Variants in VGLL4 observed in about 807,000 individuals in gnomAD.
VGLL4 encodes vestigial like family member 4.
A neutral mutation model predicts 21.0 loss-of-function variants in VGLL4; 7 were observed. The ratio of observed to expected loss-of-function variants is 0.33; its 90% CI spans 0.19 to 0.63. The LOEUF is 0.63. VGLL4 is among the 20% of genes least tolerant of loss of function. The probability of loss-of-function intolerance (pLI) is 0.78; values close to 1 mark genes in which losing one functional copy is unlikely to be tolerated. For synonymous variants in VGLL4, 222 were observed against 173.2 expected, an observed-to-expected ratio of 1.28 and a Z score of -2.21; for missense variants, 394 against 425.7, an observed-to-expected ratio of 0.93 and a Z score of 0.66.
intron 2 of VGLL4, among the ~76,000 whole-genome samples, chr3:11,693,533 T>G (rs1224576958): frequency 6.6e-6 from 1 of 152,204 alleles, no homozygotes; most frequent in Non-Finnish European, 1.5e-5. Context: ...CTGGGTTATC[T>G]TGTCTCTAAT....
intron 1 of VGLL4, chr3:11,633,527 G>C (rs574493915): frequency 2.0e-5 from 3 of 152,432 alleles, no homozygotes; most frequent in African/African-American, 7.2e-5. Flanking sequence ...AAAATTAGCT[G>C]GGTGTGGTGG....
intron 2 of VGLL4, among the ~76,000 whole-genome samples, chr3:11,689,876 G>A (rs2076502138): frequency 6.6e-6 from 1 of 152,300 alleles, no homozygotes; most frequent in South Asian, 2.1e-4. Flanking sequence ...TGCCAAAACA[G>A]TCTCTCCTCC....
chr3:11,639,949 C>G (rs1405027742), intron 1 of VGLL4, among the ~76,000 whole-genome samples: 1 of 152,056 alleles, frequency 6.6e-6, no homozygotes, highest in Non-Finnish European at 1.5e-5. Context: ...AGAGTCAAAA[C>G]TCAATTCAAT....
chr3:11,709,406 C>T (rs1245505748), intron 1 of VGLL4, among the ~76,000 whole-genome samples: 3 of 146,206 alleles, frequency 2.1e-5, no homozygotes, highest in Non-Finnish European at 4.4e-5. Flanking sequence ...CATTGCACTC[C>T]AGCCCAGGGA....
chr3:11,669,252 G>A, intron 2 of VGLL4, among the ~76,000 whole-genome samples: 1 of 152,174 alleles, frequency 6.6e-6, no homozygotes, highest in Non-Finnish European at 1.5e-5. Context: ...TAAAGCCGGT[G>A]TGGTGGTGAG....
chr3:11,713,014 A>T (rs2076869186), intron 1 of VGLL4, among the ~76,000 whole-genome samples: 2 of 152,184 alleles, frequency 1.3e-5, no homozygotes. Flanking sequence ...CCGGCAACAA[A>T]CTACCAAGAC....
At chr3:11,584,446 G>A (rs183234610) in intron 2 of VGLL4, among the ~76,000 whole-genome samples, 70 of 152,134 alleles carry the variant, frequency 4.6e-4, no homozygotes, top group African/African-American at 1.4e-3. Flanking sequence ...GGAAGATGCC[G>A]AGAGAGAGAC....
At chr3:11,581,808 A>ACC (rs2074235374) in intron 2 of VGLL4, among the ~76,000 whole-genome samples, 1 of 151,902 alleles carries the variant, frequency 6.6e-6, no homozygotes, top group African/African-American at 2.4e-5. Context: ...CCTAAAACAT[A>ACC]CCCCCTTTTG....
At chr3:11,629,750 A>G (rs1450560814) in intron 1 of VGLL4, among the ~76,000 whole-genome samples, 1 of 150,472 alleles carries the variant, frequency 6.6e-6, no homozygotes, top group Admixed American at 6.6e-5. Context: ...GGGTCTCAAA[A>G]AAAAAAAAAA....
intron 2 of VGLL4, among the ~76,000 whole-genome samples, chr3:11,567,687 C>T (rs1251444271): frequency 6.6e-6 from 1 of 152,234 alleles, no homozygotes; most frequent in South Asian, 2.1e-4. Flanking sequence ...AGAAGACCTT[C>T]CGCGGAACGG....
chr3:11,590,663 AGTGTGTGTGTGTGTGTGTGT>A (rs10592668), intron 2 of VGLL4, among the ~76,000 whole-genome samples: 23 of 147,272 alleles, frequency 1.6e-4, no homozygotes, highest in East Asian at 4.0e-4. Flanking sequence ...CAAAATGAAG[AGTGTGTGTGTGTGTGTGTGT>A]GTGTGTGTGT....
In VGLL4 at chr3:11,558,244, T is replaced by C; in HGVS notation, c.*312A>G. ...ATGGCTTGTGACTGAGAAAGCGCTG[T>C]GGAGTCCTGGCCCCGTCGGGGCAGC... On this transcript the variant is annotated 3_prime_UTR_variant, in exon 5 of 5. Coordinates refer to ENST00000430365, the MANE Select transcript of VGLL4 (RefSeq NM_001128219.3). The C allele has an allele frequency of 2.2e-6, 1 of 447,328 alleles. No homozygotes were observed. Among genetic ancestry groups the C allele is most frequent in the South Asian group, 3.5e-5 (1 of 28,600 alleles). The allele number at this position is 447,328 out of a possible 1,614,324, so 27.7% of individuals were successfully genotyped here.
chr3:11,664,016 C>G lies in VGLL4; in HGVS notation c.64+38955G>C, dbSNP rs114897457. 2.3e-3 allele frequency among the ~76,000 whole-genome samples: 344 copies of G among 152,224 alleles called. 1 individual carries two copies. The highest frequency in any genetic ancestry group is 5.9e-3 in the Admixed American group (90 of 15,290). On this transcript the variant is annotated intron_variant, in intron 2 of 5. Coordinates refer to the VGLL4 transcript ENST00000273038. ...GCTGTAACCCCAGCATTTTGGGAGTCCAAGGCGGGAGGATCACCTGAGGTA... is the reference window on the plus strand; with the variant it reads ...GCTGTAACCCCAGCATTTTGGGAGTGCAAGGCGGGAGGATCACCTGAGGTA...
intron 2 of VGLL4, among the ~76,000 whole-genome samples, chr3:11,666,143 T>C (rs532611408): frequency 1.3e-5 from 2 of 151,690 alleles, no homozygotes; most frequent in Admixed American, 1.3e-4. Flanking sequence ...TCCCAGCTAC[T>C]TGGGAGGCTG....
intron 1 of VGLL4, among the ~76,000 whole-genome samples, chr3:11,625,074 CAATG>C (rs753700896): frequency 6.6e-6 from 1 of 152,222 alleles, no homozygotes; most frequent in Non-Finnish European, 1.5e-5. Context: ...AGAACTAAGG[CAATG>C]AACATGTCCA....
intron 2 of VGLL4, among the ~76,000 whole-genome samples, chr3:11,661,435 T>TTTTATTTATTTA (rs56380247): frequency 0.044 from 6,535 of 148,066 alleles, 170 homozygotes; most frequent in Non-Finnish European, 0.051. Flanking sequence ...ACATTTTTCC[T>TTTTATTTATTTA]TTTATTTATT....
intron 1 of VGLL4, among the ~76,000 whole-genome samples, chr3:11,604,810 A>T (rs1429475247): frequency 2.1e-5 from 3 of 143,860 alleles, no homozygotes; most frequent in African/African-American, 7.6e-5. Flanking sequence ...ACTAACCAAC[A>T]TTTACAAAGA....
intron 2 of VGLL4, among the ~76,000 whole-genome samples, chr3:11,659,901 G>A (rs146644225): frequency 0.014 from 2,103 of 152,050 alleles, 44 homozygotes; most frequent in African/African-American, 0.047. Flanking sequence ...GGTGGCTCAC[G>A]CCTATAATCC....
intron 1 of VGLL4, among the ~76,000 whole-genome samples, chr3:11,625,703 G>T (rs1384882506): frequency 7.4e-6 from 1 of 135,792 alleles, no homozygotes; most frequent in African/African-American, 2.7e-5. Context: ...AGCTAGTATT[G>T]CTTCTTTAAA....
Sources: gnomAD v4.1 joint callset for allele counts (sites outside exome capture counted in the v4.1 genomes callset) on GRCh38, gnomAD v4.1.1 for gene constraint, MANE v1.5 for transcripts, NCBI Gene and HGNC (gene_info 2026-07-23, HGNC 2026-07-21) for gene names.